The following SNAP91 variants were observed in gnomAD, a reference collection of about 807,000 sequenced individuals.
SNAP91 encodes clathrin coat assembly protein AP180.
Under a neutral mutation model 100.3 loss-of-function variants are expected in SNAP91, and 27 were observed. The ratio of observed to expected loss-of-function variants is 0.27; its 90% CI spans 0.20 to 0.37. The LOEUF is 0.37. Among genes scored for constraint, SNAP91 ranks in the 10% least tolerant of loss-of-function variants. The probability of loss-of-function intolerance (pLI) is 1.00; values close to 1 mark genes in which losing one functional copy is unlikely to be tolerated. For missense variants in SNAP91, 986 were observed against 1,123.7 expected (o/e 0.88, Z 1.75); for synonymous variants, 404 against 398.6 (o/e 1.01, Z -0.16).
At chr6:83,591,394 G>T in intron 21 of SNAP91, 100 bp from the exon 22 acceptor site, 1 of 751,484 alleles carries the variant, frequency 1.3e-6, no homozygotes, top group Non-Finnish European at 2.4e-6. Context: ...AGACATGACA[G>T]TGTACAGTGA....
intron 24 of SNAP91, among the ~76,000 whole-genome samples, chr6:83,578,807 C>T (rs1347047998): frequency 6.6e-6 from 1 of 152,042 alleles, no homozygotes; most frequent in Non-Finnish European, 1.5e-5. Flanking sequence ...CCAAACATAA[C>T]CTAATCTCAG....
intron 2 of SNAP91, among the ~76,000 whole-genome samples, chr6:83,670,753 AAAAAACT>A (rs1209682066): frequency 1.3e-5 from 2 of 151,902 alleles, no homozygotes; most frequent in African/African-American, 4.8e-5. Flanking sequence ...ATTTGCTGAA[AAAAAACT>A]ATTCTTTCTC....
chr6:83,685,848 T>G (rs916394237), intron 2 of SNAP91, among the ~76,000 whole-genome samples: 2 of 152,226 alleles, frequency 1.3e-5, no homozygotes, highest in African/African-American at 4.8e-5. Context: ...GTCATCTTTA[T>G]CTCACATTCA....
chr6:83,599,789 ATTTAAT>A (rs2094945674), intron 16 of SNAP91, among the ~76,000 whole-genome samples: 1 of 152,112 alleles, frequency 6.6e-6, no homozygotes, highest in Non-Finnish European at 1.5e-5. Context: ...GCTCTTTTTA[ATTTAAT>A]TTTATTTTTG....
intron 13 of SNAP91, 130 bp from the exon 14 acceptor site, chr6:83,605,933 G>C: frequency 4.9e-6 from 4 of 817,214 alleles, no homozygotes; most frequent in Non-Finnish European, 7.5e-6. Context: ...TAATACTTTG[G>C]AAAGTATAGA....
At chr6:83,649,951 TG>T (rs1197622528) in intron 7 of SNAP91, among the ~76,000 whole-genome samples, 1 of 152,168 alleles carries the variant, frequency 6.6e-6, no homozygotes, top group Non-Finnish European at 1.5e-5. Flanking sequence ...AACAACTAAT[TG>T]AGATAAAGTT....
intron 2 of SNAP91, among the ~76,000 whole-genome samples, chr6:83,681,432 G>A (rs762327934): frequency 6.6e-6 from 1 of 152,122 alleles, no homozygotes; most frequent in South Asian, 2.1e-4. Context: ...AGAGAAAGAT[G>A]TCTATTTCCT....
intron 8 of SNAP91, among the ~76,000 whole-genome samples, chr6:83,633,288 C>T (rs908393907): frequency 1.3e-5 from 2 of 152,134 alleles, no homozygotes; most frequent in African/African-American, 4.8e-5. Context: ...GTAGAGGTGG[C>T]AGAAATGAAC....
At position 83,676,361 on chromosome 6, in the gene SNAP91, G is replaced by C. The variant is rs1203195428; in HGVS notation, c.131-10780C>G. Reference sequence around the variant, plus strand: ...AAATAAAAAAGTAAGAAGAGAAATAGATAGAGGATACTGCTTCAGATAGGG... The same window carrying C: ...AAATAAAAAAGTAAGAAGAGAAATACATAGAGGATACTGCTTCAGATAGGG... On this transcript the variant is annotated intron_variant, in intron 2 of 29. Coordinates refer to ENST00000369694, the MANE Select transcript of SNAP91 (RefSeq NM_001242792.2). Among the ~76,000 whole-genome samples the C allele has an allele frequency of 2.7e-5, 4 of 150,676 alleles. No individual in the cohort carries two copies. The South Asian group carries it at 6.2e-4, about 23-fold the overall frequency.
At chr6:83,624,757 G>A (rs2096866182) in intron 8 of SNAP91, among the ~76,000 whole-genome samples, 1 of 152,082 alleles carries the variant, frequency 6.6e-6, no homozygotes, top group African/African-American at 2.4e-5. Context: ...GGGGAGGGAA[G>A]CAAAGTCACT....
chr6:83,651,361 T>C (rs2098195626), intron 7 of SNAP91, among the ~76,000 whole-genome samples: 1 of 152,198 alleles, frequency 6.6e-6, no homozygotes, highest in South Asian at 2.1e-4. Flanking sequence ...TCTTTCTTCT[T>C]TTCTAGTATA....
At chr6:83,686,108 G>C in intron 2 of SNAP91, 1 of 940,222 alleles carries the variant, frequency 1.1e-6, no homozygotes, top group Non-Finnish European at 1.3e-6. Flanking sequence ...TTGTGAACCT[G>C]GAACATACTC....
chr6:83,580,747 T>C, intron 23 of SNAP91, 148 bp from the exon 24 acceptor site: 5 of 672,740 alleles, frequency 7.4e-6, no homozygotes, highest in Non-Finnish European at 1.2e-5. Context: ...TTTTCATGAC[T>C]GTAACACCAA....
At chr6:83,676,462 A>C (rs1349855536) in intron 2 of SNAP91, among the ~76,000 whole-genome samples, 1 of 152,236 alleles carries the variant, frequency 6.6e-6, no homozygotes, top group Non-Finnish European at 1.5e-5. Flanking sequence ...CGATTCAGTC[A>C]TCTTGGGAAG....
At chr6:83,575,277 A>T in intron 25 of SNAP91, 156 bp from the exon 26 acceptor site, 1 of 615,868 alleles carries the variant, frequency 1.6e-6, no homozygotes, top group Non-Finnish European at 2.8e-6. Flanking sequence ...TTACAGAGGA[A>T]TCTTGCCATG....
intron 2 of SNAP91, among the ~76,000 whole-genome samples, chr6:83,701,764 T>C (rs775468381): frequency 1.3e-5 from 2 of 152,162 alleles, no homozygotes; most frequent in African/African-American, 4.8e-5. Context: ...CTTGAGAAAA[T>C]GCTAGATCCT....
At chr6:83,555,738 T>A (rs1776860201) in intron 29 of SNAP91, among the ~76,000 whole-genome samples, 1 of 152,134 alleles carries the variant, frequency 6.6e-6, no homozygotes, top group South Asian at 2.1e-4. Context: ...AAAAGAAGGA[T>A]AAACAAAATA....
intron 11 of SNAP91, among the ~76,000 whole-genome samples, chr6:83,614,024 ATG>A (rs2096318834): frequency 6.6e-6 from 1 of 152,186 alleles, no homozygotes; most frequent in South Asian, 2.1e-4. Flanking sequence ...AACACAGCAA[ATG>A]TCCATATTTC....
At chr6:83,619,354 T>G (rs1324627810) in intron 9 of SNAP91, among the ~76,000 whole-genome samples, 2 of 152,238 alleles carry the variant, frequency 1.3e-5, no homozygotes, top group Non-Finnish European at 2.9e-5. Context: ...AATGTCTACC[T>G]TTTCTCAACT....
Sources: gnomAD v4.1 joint callset for allele counts (sites outside exome capture counted in the v4.1 genomes callset) on GRCh38, gnomAD v4.1.1 for gene constraint, MANE v1.5 for transcripts, NCBI Gene and HGNC (gene_info 2026-07-23, HGNC 2026-07-21) for gene names.